PRDM2: variants seen among roughly 807,000 people sequenced by gnomAD.
The protein encoded by PRDM2 is PR domain zinc finger protein 2.
PRDM2 carries 30 observed loss-of-function variants against 130.0 expected under a neutral mutation model. That is an observed-to-expected ratio of 0.23 (90% CI 0.17 to 0.31). The LOEUF is 0.31. Ranked by LOEUF, PRDM2 falls within the 10% of genes least tolerant of loss-of-function variation. The pLI, the probability that PRDM2 is intolerant of heterozygous loss-of-function variation, is 1.00. For missense variants in PRDM2, 2,011 were observed against 2,108.4 expected, an observed-to-expected ratio of 0.95 and a Z score of 0.90; for synonymous variants, 871 against 782.4, an observed-to-expected ratio of 1.11 and a Z score of -1.89.
chr1:13,722,834 A>G (rs550589068), intron 2 of PRDM2: 1 of 516,944 alleles, frequency 1.9e-6, no homozygotes, highest in South Asian at 1.4e-5. Context: ...TAGAAAGTTT[A>G]AAAAGCGTTT....
intron 9 of PRDM2, among the ~76,000 whole-genome samples, chr1:13,822,580 A>G (rs1645370168): frequency 6.6e-6 from 1 of 151,948 alleles, no homozygotes; most frequent in Non-Finnish European, 1.5e-5. Context: ...TATTTTTAGT[A>G]GAGACAGGGT....
chr1:13,717,611 T>C (rs1642583767), intron 2 of PRDM2, among the ~76,000 whole-genome samples: 1 of 152,224 alleles, frequency 6.6e-6, no homozygotes, highest in Non-Finnish European at 1.5e-5. Context: ...TTGCTTTATA[T>C]TTCCATTATA....
chr1:13,812,550 G>A (rs1011043411), intron 8 of PRDM2, among the ~76,000 whole-genome samples: 45 of 152,204 alleles, frequency 3.0e-4, no homozygotes, highest in African/African-American at 1.0e-3. Context: ...CCTGGTAGGG[G>A]CGGGAGCAAG....
chr1:13,730,871 G>A, intron 2 of PRDM2, 129 bp from the exon 3 acceptor site: 1 of 628,472 alleles, frequency 1.6e-6, no homozygotes, highest in Non-Finnish European at 2.8e-6. Flanking sequence ...TCATCGTTTT[G>A]GTCTGTCTTG....
At chr1:13,755,902 G>A (rs1409203216) in intron 6 of PRDM2, among the ~76,000 whole-genome samples, 1 of 151,894 alleles carries the variant, frequency 6.6e-6, no homozygotes, top group Non-Finnish European at 1.5e-5. Context: ...CCTAATAGCT[G>A]GTATTACAGG....
intron 5 of PRDM2, among the ~76,000 whole-genome samples, chr1:13,747,386 C>T (rs958261566): frequency 8.5e-5 from 13 of 152,196 alleles, no homozygotes; most frequent in African/African-American, 1.9e-4. Context: ...TTTACTTTAA[C>T]ATAAGCCTGT....
intron 1 of PRDM2, among the ~76,000 whole-genome samples, chr1:13,706,708 T>A (rs888800893): frequency 6.6e-5 from 10 of 152,096 alleles, no homozygotes; most frequent in South Asian, 2.1e-4. Context: ...TTTTTTTTTT[T>A]AAATCATAAA....
chr1:13,725,557 G>A lies in PRDM2; in HGVS notation c.10-5443G>A, dbSNP rs976298862. On this transcript the variant is annotated intron_variant, in intron 2 of 9. Transcript: ENST00000311066. ...TTTTCTAGCAGTAACATCTTACAAAGCTTTAGTACAATATGAAAGCTAGGA... is the reference window on the plus strand; with the variant it reads ...TTTTCTAGCAGTAACATCTTACAAAACTTTAGTACAATATGAAAGCTAGGA... 3.9e-5 allele frequency among the ~76,000 whole-genome samples: 6 copies of A among 152,168 alleles called. No homozygotes were observed. The East Asian group carries it at 1.2e-3, about 29-fold the overall frequency.
intron 2 of PRDM2, among the ~76,000 whole-genome samples, chr1:13,727,558 C>T (rs898823128): frequency 2.6e-5 from 4 of 152,190 alleles, no homozygotes; most frequent in Non-Finnish European, 4.4e-5. Context: ...CCTCGCGTTC[C>T]CCTCTTTTTT....
chr1:13,743,029 G>A (rs548756151), intron 5 of PRDM2, among the ~76,000 whole-genome samples: 3 of 152,284 alleles, frequency 2.0e-5, no homozygotes, highest in African/African-American at 7.2e-5. Flanking sequence ...TGAGTGTGAG[G>A]AAGCGTGGAG....
At chr1:13,713,968 A>C (rs1642455668) in intron 1 of PRDM2, among the ~76,000 whole-genome samples, 1 of 151,938 alleles carries the variant, frequency 6.6e-6, no homozygotes, top group Admixed American at 6.6e-5. Context: ...TCCCGGGTTC[A>C]CGCCATTCTC....
At position 13,749,380 on chromosome 1, in the gene PRDM2, A is replaced by G; in HGVS notation, c.404A>G (p.Glu135Gly). 1 of 1,487,494 alleles carries G rather than the reference A, an allele frequency of 6.7e-7. No homozygotes were observed. The highest frequency in any genetic ancestry group is 9.1e-7 in the Non-Finnish European group (1 of 1,104,160). 92.1% of individuals were successfully genotyped at this position (1,487,494 alleles called of 1,614,324 possible). ...KTLKPIAPGEELLVWYNGEDN... is the reference protein window; with the variant it reads ...KTLKPIAPGEGLLVWYNGEDN... The stretch of plus-strand genomic sequence containing the variant: ...CCGCAGCCAATCGCGCCGGGCGAGG[A>G]GCTCCTGGTCTGGTACAATGGGGAA... Residue 135 changes from glutamate (E) to glycine (G), a missense_variant, in exon 6 of 10, where the codon GAG becomes GGG. Physicochemically the swap from Glu to Gly is moderately conservative, Grantham distance 98 (BLOSUM62 -2). Transcript: ENST00000311066.
chr1:13,762,112 A>G (rs796551374), intron 6 of PRDM2, among the ~76,000 whole-genome samples: 39 of 152,308 alleles, frequency 2.6e-4, no homozygotes, highest in African/African-American at 9.4e-4. Context: ...GATTCCATTT[A>G]TTGAGTCTGT....
intron 6 of PRDM2, among the ~76,000 whole-genome samples, chr1:13,763,166 G>A (rs1303778361): frequency 6.6e-6 from 1 of 152,194 alleles, no homozygotes; most frequent in East Asian, 1.9e-4. Flanking sequence ...CCAAGACATC[G>A]ACCCTTAGGT....
At chr1:13,768,081 T>G (rs892689056) in intron 6 of PRDM2, among the ~76,000 whole-genome samples, 8 of 147,836 alleles carry the variant, frequency 5.4e-5, no homozygotes, top group Non-Finnish European at 1.0e-4. Flanking sequence ...TGAGTTTTTT[T>G]TTTTTTTTTT....
chr1:13,797,644 C>T (rs1210475767), intron 8 of PRDM2, among the ~76,000 whole-genome samples: 1 of 152,140 alleles, frequency 6.6e-6, no homozygotes, highest in African/African-American at 2.4e-5. Context: ...AATGCCATTT[C>T]CTGTCTGTGT....
intron 2 of PRDM2, among the ~76,000 whole-genome samples, chr1:13,720,635 T>C (rs1642694629): frequency 6.6e-6 from 1 of 152,134 alleles, no homozygotes; most frequent in Admixed American, 6.5e-5. Context: ...TAATAAAAAA[T>C]AGTAACTTAC....
At chr1:13,778,298 A>T (rs1005770611) in intron 7 of PRDM2, 120 bp from the exon 8 acceptor site, 1 of 1,035,076 alleles carries the variant, frequency 9.7e-7, no homozygotes, top group Non-Finnish European at 1.4e-6. Context: ...TTTATTGTTC[A>T]TCATCATCTC....
chr1:13,782,350 G>A lies in PRDM2; in HGVS notation c.4555G>A (p.Asp1519Asn). 6.2e-7 allele frequency: 1 copy of A among 1,614,048 alleles called. No homozygotes were observed. The highest frequency in any genetic ancestry group is 1.1e-5 in the South Asian group (1 of 91,056). ...CAGCAACCACCGCAGACGGACAGCG[G>A]ATGCGGAGATTAAAATGCAAAGCAT... The part of the protein sequence containing the change: ...SNSNHRRRTA[D>N]AEIKMQSMQT... Residue 1519 changes from aspartate to asparagine, a missense_variant, in exon 8 of 10, where the codon GAT becomes AAT. Physicochemically the swap from Asp to Asn is conservative, Grantham distance 23. Coordinates refer to ENST00000311066, the MANE Select transcript of PRDM2 (RefSeq NM_001393986.1).
Sources: gnomAD v4.1 joint callset for allele counts (sites outside exome capture counted in the v4.1 genomes callset) on GRCh38, gnomAD v4.1.1 for gene constraint, MANE v1.5 for transcripts, NCBI Gene and HGNC (gene_info 2026-07-23, HGNC 2026-07-21) for gene names.